The following DKK2 variants were observed in gnomAD, a reference collection of about 807,000 sequenced individuals.
DKK2 encodes the protein dickkopf Wnt signaling pathway inhibitor 2.
A neutral mutation model predicts 28.1 loss-of-function variants in DKK2; 11 were observed. That is an observed-to-expected ratio of 0.39 (90% CI 0.25 to 0.65). The LOEUF is 0.65. Ranked by LOEUF, DKK2 falls within the 30% of genes least tolerant of loss-of-function variation. DKK2 has a pLI of 0.47. For missense variants in DKK2, 326 were observed against 335.5 expected, an observed-to-expected ratio of 0.97 and a Z score of 0.22; for synonymous variants, 135 against 126.5, an observed-to-expected ratio of 1.07 and a Z score of -0.45.
intron 1 of DKK2, among the ~76,000 whole-genome samples, chr4:106,952,653 G>C (rs1385595615): frequency 6.6e-6 from 1 of 152,054 alleles, no homozygotes; most frequent in African/African-American, 2.4e-5. Context: ...AGTCCATAAA[G>C]TAAGCAGCCT....
intron 1 of DKK2, among the ~76,000 whole-genome samples, chr4:106,933,661 T>C (rs1409039538): frequency 6.6e-6 from 1 of 152,172 alleles, no homozygotes; most frequent in Non-Finnish European, 1.5e-5. Flanking sequence ...TTCTTCCCCA[T>C]ATCAAGTATG....
At chr4:106,977,004 G>A (rs1006344382) in intron 1 of DKK2, among the ~76,000 whole-genome samples, 2 of 152,104 alleles carry the variant, frequency 1.3e-5, no homozygotes, top group Admixed American at 6.5e-5. Context: ...ATGAAGCTTA[G>A]TTTGGCTGGA....
intron 1 of DKK2, among the ~76,000 whole-genome samples, chr4:106,960,234 C>G (rs1722667522): frequency 6.6e-6 from 1 of 151,372 alleles, no homozygotes; most frequent in Non-Finnish European, 1.5e-5. Context: ...TGGAATACTA[C>G]TCAGCCATAA....
At chr4:106,979,821 C>G (rs1036268719) in intron 1 of DKK2, among the ~76,000 whole-genome samples, 4 of 152,248 alleles carry the variant, frequency 2.6e-5, no homozygotes, top group African/African-American at 9.6e-5. Context: ...TGTCTTTTCT[C>G]ATACATCACA....
intron 1 of DKK2, among the ~76,000 whole-genome samples, chr4:106,930,278 T>C (rs1465753206): frequency 6.6e-6 from 1 of 152,206 alleles, no homozygotes; most frequent in Admixed American, 6.5e-5. Flanking sequence ...CAATCTTCTT[T>C]GAAATAATTG....
chr4:106,978,270 G>A (rs556903485), intron 1 of DKK2, among the ~76,000 whole-genome samples: 3 of 152,322 alleles, frequency 2.0e-5, no homozygotes, highest in African/African-American at 7.2e-5. Flanking sequence ...CGAGCGCTGT[G>A]TTTGGAGACC....
In DKK2 at chr4:106,930,892, T is replaced by C. The variant is rs564401618; in HGVS notation, c.223-4943A>G. 1.8e-4 allele frequency among the ~76,000 whole-genome samples: 28 copies of C among 152,290 alleles called. No individual in the cohort carries two copies. The South Asian group carries it at 4.6e-3, about 25-fold the overall frequency. On this transcript the variant is annotated intron_variant, in intron 1 of 3. Transcript: ENST00000285311. ...CACAGCAGAAGATTGGCAATTACAT[T>C]TGGGAAACCTGATCGGACTGGCTTG...
In DKK2 at chr4:106,951,875, C is replaced by T. The variant is rs188233419; in HGVS notation, c.223-25926G>A. 1.3e-4 allele frequency among the ~76,000 whole-genome samples: 20 copies of T among 152,036 alleles called. 1 individual carries two copies. Among genetic ancestry groups the T allele is most frequent in the Admixed American group, 5.9e-4 (9 of 15,252 alleles). ...CTCCTAAGAAAGAAAATAATAGATA[C>T]GTCTACCATTTGGGAAAACATTTGT... On this transcript the variant is annotated intron_variant, in intron 1 of 3. Coordinates refer to ENST00000285311, the MANE Select transcript of DKK2 (RefSeq NM_014421.3).
At chr4:106,946,662 C>G (rs1724780618) in intron 1 of DKK2, among the ~76,000 whole-genome samples, 2 of 151,966 alleles carry the variant, frequency 1.3e-5, no homozygotes, top group African/African-American at 4.8e-5. Flanking sequence ...CATTGTGAAT[C>G]AAAATGCTCT....
intron 1 of DKK2, among the ~76,000 whole-genome samples, chr4:106,976,781 A>G (rs1439421235): frequency 6.6e-6 from 1 of 152,180 alleles, no homozygotes; most frequent in Non-Finnish European, 1.5e-5. Context: ...TTCTGTCATG[A>G]TGACGCTAAC....
At chr4:106,985,496 G>GA (rs200417467) in intron 1 of DKK2, among the ~76,000 whole-genome samples, 2,926 of 151,580 alleles carry the variant, frequency 0.019, 41 homozygotes, top group Middle Eastern at 0.038. Flanking sequence ...ATAATTATCT[G>GA]AAAAAAAAGT....
At chr4:107,007,791 T>C (rs1560590769) in intron 1 of DKK2, among the ~76,000 whole-genome samples, 1 of 152,150 alleles carries the variant, frequency 6.6e-6, no homozygotes, top group Non-Finnish European at 1.5e-5. Flanking sequence ...GTGATTCTAG[T>C]GTGTAGCTAA....
intron 1 of DKK2, among the ~76,000 whole-genome samples, chr4:106,948,555 A>G (rs1226173799): frequency 6.6e-6 from 1 of 152,166 alleles, no homozygotes; most frequent in African/African-American, 2.4e-5. Flanking sequence ...AGGTGAAAAG[A>G]GTTTGCCAGC....
intron 1 of DKK2, among the ~76,000 whole-genome samples, chr4:106,926,242 T>A (rs1724424938): frequency 1.3e-5 from 2 of 152,200 alleles, no homozygotes; most frequent in Admixed American, 1.3e-4. Context: ...GACCCTTATG[T>A]GTGACTTTGG....
At chr4:106,929,087 G>T (rs984260393) in intron 1 of DKK2, among the ~76,000 whole-genome samples, 6 of 152,090 alleles carry the variant, frequency 3.9e-5, no homozygotes, top group Admixed American at 3.3e-4. Flanking sequence ...ACCTCCAAAG[G>T]CCATTGTCTA....
At chr4:106,997,153 T>C (rs1723283872) in intron 1 of DKK2, among the ~76,000 whole-genome samples, 1 of 152,194 alleles carries the variant, frequency 6.6e-6, no homozygotes, top group African/African-American at 2.4e-5. Flanking sequence ...GCCCATCGTT[T>C]AGTTCCAGTT....
chr4:106,978,240 G>T (rs1041859500), intron 1 of DKK2, among the ~76,000 whole-genome samples: 2 of 152,186 alleles, frequency 1.3e-5, no homozygotes, highest in South Asian at 4.1e-4. Flanking sequence ...TGAGAAGCCA[G>T]TCTGTCCCTT....
At position 107,015,162 on chromosome 4, in the gene DKK2, G is replaced by A. The variant is rs7681276; in HGVS notation, c.222+20208C>T. ...TATAAGATATTGCCAAGTGATTGCC[G>A]TAATTACACCCCCATGAACCATAAT... On this transcript the variant is annotated intron_variant, in intron 1 of 3. Coordinates refer to ENST00000285311, the MANE Select transcript of DKK2 (RefSeq NM_014421.3). Among the ~76,000 whole-genome samples the A allele has an allele frequency of 6.9e-3, 1,049 of 151,494 alleles. 8 individuals are homozygous for A. The highest frequency in any genetic ancestry group is 0.012 in the Non-Finnish European group (824 of 67,556).
At chr4:106,962,489 CTATGTGTGTGTGTGTGTGTGTGTGTG>C (rs1247647017) in intron 1 of DKK2, among the ~76,000 whole-genome samples, 4 of 112,992 alleles carry the variant, frequency 3.5e-5, no homozygotes, top group Non-Finnish European at 3.6e-5. Context: ...GCCAGAAAAA[CTATGTGTGTGTGTGTGTGTGTGTGTG>C]TGTGTGTGTG....
Sources: allele counts gnomAD v4.1 joint callset (sites outside exome capture counted in the v4.1 genomes callset), GRCh38; gene constraint gnomAD v4.1.1; transcripts MANE v1.5; gene names NCBI Gene and HGNC (gene_info 2026-07-23, HGNC 2026-07-21).